Variants in SYN3 observed in about 807,000 individuals in gnomAD.
The protein encoded by SYN3 is synapsin III.
In SYN3, 35 loss-of-function variants were observed where a neutral mutation model predicts 65.8. The observed-to-expected ratio is 0.53, with a 90% CI of 0.41 to 0.70. The LOEUF (loss-of-function observed/expected upper bound fraction) is 0.70. SYN3 is among the 30% of genes least tolerant of loss of function. SYN3 has a pLI of 0.00. For missense variants in SYN3, 680 were observed against 749.0 expected (o/e 0.91, Z 1.08); for synonymous variants, 270 against 292.9 (o/e 0.92, Z 0.80).
intron 6 of SYN3, among the ~76,000 whole-genome samples, chr22:32,782,914 GA>G (rs1224536001): frequency 2.6e-5 from 4 of 151,170 alleles, no homozygotes; most frequent in African/African-American, 9.7e-5. Context: ...TCTCTATTGA[GA>G]AGGAGCAATT....
chr22:32,925,656 A>G (rs1191636592), intron 4 of SYN3, among the ~76,000 whole-genome samples: 1 of 152,160 alleles, frequency 6.6e-6, no homozygotes, highest in Non-Finnish European at 1.5e-5. Context: ...GCCTCAGTGC[A>G]GGGCCATGTT....
chr22:32,998,142 G>C (rs2052942306), intron 2 of SYN3, among the ~76,000 whole-genome samples: 2 of 152,070 alleles, frequency 1.3e-5, no homozygotes, highest in African/African-American at 4.8e-5. Flanking sequence ...CAGTCAACAG[G>C]CATTTCCTAC....
intron 6 of SYN3, among the ~76,000 whole-genome samples, chr22:32,706,764 C>T (rs557636738): frequency 2.4e-4 from 36 of 152,242 alleles, no homozygotes; most frequent in Non-Finnish European, 3.8e-4. Context: ...CAGTCTCTTT[C>T]ATATGTACCC....
chr22:32,776,259 C>G lies in SYN3; in HGVS notation c.711+88656G>C, dbSNP rs573519084. 4.6e-5 allele frequency among the ~76,000 whole-genome samples: 7 copies of G among 152,232 alleles called. No homozygotes were observed. In the East Asian group the frequency reaches 1.4e-3, roughly 29 times the overall value. The stretch of plus-strand genomic sequence containing the variant: ...GCCCATTGAGACCAGTTTGGGACTT[C>G]TGGCCTCCAGAAATGTGAGGGAATA... On this transcript the variant is annotated intron_variant, in intron 6 of 13. Transcript: ENST00000358763.
At chr22:33,035,063 T>C (rs1237394536) in intron 1 of SYN3, among the ~76,000 whole-genome samples, 1 of 152,080 alleles carries the variant, frequency 6.6e-6, no homozygotes, top group East Asian at 1.9e-4. Flanking sequence ...ACGTTCCCCA[T>C]TTGTAGGCTA....
At chr22:32,790,039 CA>C in intron 6 of SYN3, among the ~76,000 whole-genome samples, 1 of 152,226 alleles carries the variant, frequency 6.6e-6, no homozygotes, top group Non-Finnish European at 1.5e-5. Flanking sequence ...CCCTGTATCA[CA>C]GACGAGAATA....
chr22:33,039,248 G>A (rs1358001848), intron 1 of SYN3, among the ~76,000 whole-genome samples: 3 of 152,082 alleles, frequency 2.0e-5, no homozygotes, highest in Non-Finnish European at 2.9e-5. Flanking sequence ...TTCAAATTTA[G>A]GTCTACTTAA....
At chr22:32,921,404 T>C (rs1402276428) in intron 4 of SYN3, among the ~76,000 whole-genome samples, 1 of 152,214 alleles carries the variant, frequency 6.6e-6, no homozygotes, top group African/African-American at 2.4e-5. Flanking sequence ...TCCCATACTG[T>C]ACCCTGAATG....
At chr22:32,635,306 T>C (rs140367575) in intron 6 of SYN3, 23 of 152,342 alleles carry the variant, frequency 1.5e-4, no homozygotes, top group African/African-American at 5.3e-4. Context: ...TATGTATCTA[T>C]CTTCTCTCTT....
At chr22:32,741,053 C>T (rs2061398463) in intron 6 of SYN3, among the ~76,000 whole-genome samples, 1 of 152,124 alleles carries the variant, frequency 6.6e-6, no homozygotes, top group South Asian at 2.1e-4. Flanking sequence ...ATTTTATTTC[C>T]AGATGGCTGA....
At chr22:32,694,355 G>A (rs1174831371) in intron 6 of SYN3, among the ~76,000 whole-genome samples, 1 of 152,116 alleles carries the variant, frequency 6.6e-6, no homozygotes, top group Non-Finnish European at 1.5e-5. Context: ...TTTACCTTCT[G>A]TTCTCTAACC....
intron 2 of SYN3, among the ~76,000 whole-genome samples, chr22:32,985,012 G>A (rs774223338): frequency 2.6e-5 from 4 of 152,114 alleles, no homozygotes; most frequent in Non-Finnish European, 5.9e-5. Context: ...TATGCAACAA[G>A]GCAGTAAAGT....
chr22:32,513,815 C>T lies in SYN3; in HGVS notation c.1620G>A (p.Gln540=), dbSNP rs757935604. ...APPHPHLNKS[Q]SLTNSLSTSD... ...ATGTGCTGAGGCTGTTAGTCAGGGACTGAGATTTGCTGAAACAGAAAGGCA... is the reference window on the plus strand; with the variant it reads ...ATGTGCTGAGGCTGTTAGTCAGGGATTGAGATTTGCTGAAACAGAAAGGCA... Residue 540 remains glutamine (Q), a synonymous_variant, in exon 14 of 14, where the codon CAG becomes CAA. Coordinates refer to ENST00000358763, the MANE Select transcript of SYN3 (RefSeq NM_003490.4). The T allele has an allele frequency of 2.5e-6, 4 of 1,613,952 alleles. No individual in the cohort carries two copies. The East Asian group carries it at 6.7e-5, about 27-fold the overall frequency.
At chr22:32,789,861 T>C (rs1471700409) in intron 6 of SYN3, among the ~76,000 whole-genome samples, 1 of 152,200 alleles carries the variant, frequency 6.6e-6, no homozygotes, top group African/African-American at 2.4e-5. Flanking sequence ...CTCTGATGGG[T>C]GCTCCCAGCT....
At chr22:32,753,214 G>C (rs1173994167) in intron 6 of SYN3, among the ~76,000 whole-genome samples, 1 of 152,160 alleles carries the variant, frequency 6.6e-6, no homozygotes, top group East Asian at 1.9e-4. Context: ...GGGTCAGGTT[G>C]TATGAAAGGT....
At chr22:32,960,296 T>G (rs1231356967) in intron 3 of SYN3, among the ~76,000 whole-genome samples, 1 of 152,208 alleles carries the variant, frequency 6.6e-6, no homozygotes, top group Non-Finnish European at 1.5e-5. Context: ...CCATCTGCCC[T>G]GATCACCCCA....
chr22:32,928,974 T>C (rs1449255502), intron 4 of SYN3, among the ~76,000 whole-genome samples: 6 of 152,182 alleles, frequency 3.9e-5, no homozygotes, highest in African/African-American at 1.4e-4. Context: ...TTCCAGAAGT[T>C]GTGTTTAAAA....
chr22:32,977,163 G>A lies in SYN3; in HGVS notation c.369+3482C>T, dbSNP rs376370669. Among the ~76,000 whole-genome samples, 59 of 152,276 alleles carry A rather than the reference G, an allele frequency of 3.9e-4. 1 individual carries two copies. In the South Asian group the frequency reaches 0.012, roughly 30 times the overall value. On this transcript the variant is annotated intron_variant, in intron 3 of 13. Coordinates refer to ENST00000358763, the MANE Select transcript of SYN3 (RefSeq NM_003490.4). ...CCTTCTGGCTTTCATAGAGGGGCAGGTTGGAAATCAGAATGACTCTAAATT... is the reference window on the plus strand; with the variant it reads ...CCTTCTGGCTTTCATAGAGGGGCAGATTGGAAATCAGAATGACTCTAAATT...
chr22:32,521,505 C>T (rs1047239765), intron 12 of SYN3, among the ~76,000 whole-genome samples: 3 of 134,832 alleles, frequency 2.2e-5, no homozygotes, highest in Admixed American at 8.6e-5. Flanking sequence ...AGTGCAGTGG[C>T]GCGATCTCGG....
Sources: allele counts gnomAD v4.1 joint callset (sites outside exome capture counted in the v4.1 genomes callset), GRCh38; gene constraint gnomAD v4.1.1; transcripts MANE v1.5; gene names NCBI Gene and HGNC (gene_info 2026-07-23, HGNC 2026-07-21).